Variants in GRK1 observed in about 807,000 individuals in gnomAD.
GRK1 encodes G protein-coupled receptor kinase 1.
GRK1 carries 28 observed loss-of-function variants against 41.7 expected under a neutral mutation model. The ratio of observed to expected loss-of-function variants is 0.67; its 90% confidence interval spans 0.50 to 0.92. GRK1 has a LOEUF of 0.92. Among genes scored for constraint, GRK1 ranks in the 40% least tolerant of loss-of-function variants. GRK1 has a pLI of 0.00. For missense variants in GRK1, 703 were observed against 671.2 expected (o/e 1.05, Z -0.52); for synonymous variants, 327 against 286.7 (o/e 1.14, Z -1.42).
intron 4 of GRK1, among the ~76,000 whole-genome samples, chr13:113,723,413 G>C (rs1338363795): frequency 6.6e-6 from 1 of 152,130 alleles, no homozygotes; most frequent in Non-Finnish European, 1.5e-5. Context: ...GCCTCAGGAG[G>C]TCCTGATGAC....
At chr13:113,650,534 T>G in the GRK1 span, 1 of 1,589,806 alleles carries the variant, frequency 6.3e-7, no homozygotes, top group Non-Finnish European at 8.6e-7. This position sits in a 1 kb window ranked among gnomAD's most constrained non-coding sequence, Gnocchi z 5.0. Context: ...ACTGCCTGAG[T>G]CAGGCGGGAG....
chr13:113,655,396 G>C, the GRK1 span, among the ~76,000 whole-genome samples: 3 of 152,206 alleles, frequency 2.0e-5, no homozygotes, highest in African/African-American at 4.8e-5. Context: ...TGCATGGCCG[G>C]TCCTGCTTCC....
chr13:113,671,736 C>T lies in GRK1; in HGVS notation c.985+80C>T. 4.3e-6 allele frequency: 3 copies of T among 695,122 alleles called. No individual in the cohort carries two copies. The highest frequency in any genetic ancestry group is 7.9e-6 in the Non-Finnish European group (3 of 380,948). The allele number at this position is 695,122 out of a possible 1,614,324, so 43.1% of individuals were successfully genotyped here. A position where few individuals can be genotyped will look rare whatever the true frequency, so the allele number is the denominator to read the frequency against. ...GCTTCCTTGGGGGTCTCTGCACAAC[C>T]TCACGAGGGCTGACGGCTGTGTGGA... is the stretch of plus-strand genomic sequence containing the variant. On this transcript the variant is annotated intron_variant, in intron 3 of 6. Transcript: ENST00000335678. The surrounding 1 kb of genome is among the most constrained non-coding windows in gnomAD (Gnocchi z 4.1).
rs745307850 is a variant in GRK1, at chr13:113,667,717, C to T, written c.331C>T (p.Leu111=). The part of the protein sequence containing the change: ...DLQPQKAQTI[L]AQYLDPQAKL... ...CCAGCCACAGAAGGCCCAGACCATC[C>T]TGGCCCAGTACCTGGACCCCCAGGC... The change falls in exon 1 of 7, where the codon CTG becomes TTG. Residue 111 remains leucine (L), a synonymous_variant. Coordinates refer to ENST00000335678, the MANE Select transcript of GRK1 (RefSeq NM_002929.3). This position sits in a 1 kb window ranked among gnomAD's most constrained non-coding sequence, Gnocchi z 7.5. 2.5e-6 allele frequency: 4 copies of T among 1,613,790 alleles called. No homozygotes were observed. The African/African-American group carries it at 4.0e-5, about 16-fold the overall frequency.
intron 6 of GRK1, among the ~76,000 whole-genome samples, chr13:113,733,647 G>A (rs2049958743): frequency 1.5e-5 from 2 of 136,214 alleles, no homozygotes; most frequent in South Asian, 2.2e-4. Context: ...ATGTATGTGT[G>A]CATACGTGTG....
chr13:113,658,303 G>C, the GRK1 span: 2 of 679,050 alleles, frequency 2.9e-6, no homozygotes, highest in African/African-American at 3.6e-5. Flanking sequence ...TATCAGCGCC[G>C]GCCATCGCCT....
chr13:113,727,616 C>T (rs547680312), intron 4 of GRK1, among the ~76,000 whole-genome samples: 279 of 135,676 alleles, frequency 2.1e-3, no homozygotes, highest in Non-Finnish European at 2.8e-3. Flanking sequence ...GTACCCATGG[C>T]GATGAGGACC....
the GRK1 span, chr13:113,655,068 C>T: frequency 8.4e-6 from 11 of 1,314,050 alleles, no homozygotes; most frequent in East Asian, 2.5e-5. Context: ...ACATTCTCCT[C>T]CCCCAAAACA....
Position 113,733,978 on chromosome 13 carries a change from GCATGTGTGTGCATA to G in GRK1, c.1396+905_1396+918del, listed in dbSNP as rs1255667661. 2.3e-3 allele frequency among the ~76,000 whole-genome samples: 296 copies of G among 127,348 alleles called. 1 individual carries two copies. Among genetic ancestry groups the G allele is most frequent in the Middle Eastern group, 8.6e-3 (2 of 232 alleles). 83.5% of individuals were successfully genotyped at this position (127,348 alleles called of 152,430 possible). A position where few individuals can be genotyped will look rare whatever the true frequency, so the allele number is the denominator to read the frequency against. ...TGCATACGTGTGTGTGCGTGTGTGCGCATGTGTGTGCATACATGTGTGTGCGTGTGCGTGCATGT... is the reference window on the plus strand; with the variant it reads ...TGCATACGTGTGTGTGCGTGTGTGCGCATGTGTGTGCGTGTGCGTGCATGT... On this transcript the variant is annotated intron_variant, in intron 6 of 6. Transcript: ENST00000335678.
At chr13:113,648,559 G>A in the GRK1 span, among the ~76,000 whole-genome samples, 1 of 152,232 alleles carries the variant, frequency 6.6e-6, no homozygotes, top group African/African-American at 2.4e-5. Flanking sequence ...TTGGGAGAAT[G>A]TTCTCATTTC....
At chr13:113,655,593 C>G in the GRK1 span, among the ~76,000 whole-genome samples, 125 of 152,318 alleles carry the variant, frequency 8.2e-4, no homozygotes, top group African/African-American at 2.9e-3. Context: ...TGGCCATGGG[C>G]GGCTCCTGGA....
intron 4 of GRK1, among the ~76,000 whole-genome samples, chr13:113,723,389 G>T (rs375223132): frequency 4.3e-4 from 66 of 152,210 alleles, no homozygotes; most frequent in African/African-American, 1.5e-3. Flanking sequence ...GGTTGAGGAC[G>T]CGAGTCCGTG....
At position 113,737,650 on chromosome 13, in the gene GRK1, ATGTCC is replaced by A. The variant is rs2050014519; in HGVS notation, c.*2292_*2296del. 1 of 154,798 alleles carries A rather than the reference ATGTCC, an allele frequency of 6.5e-6. No individual in the cohort carries two copies. Among genetic ancestry groups the A allele is most frequent in the African/African-American group, 2.4e-5 (1 of 41,512 alleles). The allele number at this position is 154,798 out of a possible 1,614,324, so 9.6% of individuals were successfully genotyped here. Reference sequence around the variant, plus strand: ...CGTCTGGTTTTGTGGAGACTTTCATATGTCCTGTCAAGTTGCCTCATGCACCTGCA... The same window carrying A: ...CGTCTGGTTTTGTGGAGACTTTCATATGTCAAGTTGCCTCATGCACCTGCA... On this transcript the variant is annotated 3_prime_UTR_variant, in exon 7 of 7. Coordinates refer to ENST00000335678, the MANE Select transcript of GRK1 (RefSeq NM_002929.3).
chr13:113,735,382 C>G lies in GRK1; in HGVS notation c.*19C>G. 1 of 1,470,102 alleles carries G rather than the reference C, an allele frequency of 6.8e-7. No individual in the cohort carries two copies. Among genetic ancestry groups the G allele is most frequent in the Non-Finnish European group, 9.0e-7 (1 of 1,112,144 alleles). The allele number at this position is 1,470,102 out of a possible 1,614,324, so 91.1% of individuals were successfully genotyped here. A position where few individuals can be genotyped will look rare whatever the true frequency, so the allele number is the denominator to read the frequency against. ...TTCCTAGGTGACGCCCCAGAGTCCA[C>G]GTGGAGGAAAAGGACCCATACGGCT... On this transcript the variant is annotated 3_prime_UTR_variant, in exon 7 of 7. Transcript: ENST00000335678.
At chr13:113,729,961 C>G (rs2049922712) in intron 4 of GRK1, among the ~76,000 whole-genome samples, 1 of 149,506 alleles carries the variant, frequency 6.7e-6, no homozygotes, top group African/African-American at 2.5e-5. Flanking sequence ...GCGCCCAAAC[C>G]CGCCCCTCCA....
At chr13:113,652,901 T>C in the GRK1 span, 7 of 1,614,086 alleles carry the variant, frequency 4.3e-6, no homozygotes, top group Middle Eastern at 1.6e-4. Context: ...AAAACATGGC[T>C]TTCCTTCTTC....
rs1177906686 is a variant in GRK1, at chr13:113,736,980, C to T, written c.*1617C>T. On this transcript the variant is annotated 3_prime_UTR_variant, in exon 7 of 7. Transcript: ENST00000335678. ...TCCTCCGTAGCCTGGACTGGTGGGT[C>T]TCGGCCTCTCTCCCAGAAATGGCAG... 6.6e-6 allele frequency: 1 copy of T among 152,378 alleles called. No homozygotes were observed. The highest frequency in any genetic ancestry group is 1.5e-5 in the Non-Finnish European group (1 of 68,158). The allele number at this position is 152,378 out of a possible 1,614,324, so 9.4% of individuals were successfully genotyped here.
At chr13:113,730,578 C>T (rs2049929976) in intron 4 of GRK1, among the ~76,000 whole-genome samples, 1 of 150,702 alleles carries the variant, frequency 6.6e-6, no homozygotes, top group Admixed American at 6.6e-5. Flanking sequence ...CTCCCTCCAT[C>T]CTGAGTCCCC....
chr13:113,732,935 C>T lies in GRK1; in HGVS notation c.1246C>T (p.Pro416Ser). ...HRIISEPVKY[P>S]DKFSQASKDF... Reference sequence around the variant, plus strand: ...GATCATCTCAGAGCCCGTGAAGTACCCTGATAAGTTCAGCCAGGCCAGCAA... The same window carrying T: ...GATCATCTCAGAGCCCGTGAAGTACTCTGATAAGTTCAGCCAGGCCAGCAA... The change falls in exon 6 of 7, where the codon CCT becomes TCT. Residue 416 changes from proline to serine, a missense_variant. Physicochemically the swap from Pro to Ser is moderately conservative, Grantham distance 74 (BLOSUM62 -1). Transcript: ENST00000335678. The T allele has an allele frequency of 6.5e-7, 1 of 1,536,862 alleles. No homozygotes were observed. Among genetic ancestry groups the T allele is most frequent in the East Asian group, 2.4e-5 (1 of 40,930 alleles).
Sources: gnomAD v4.1 joint callset for allele counts (sites outside exome capture counted in the v4.1 genomes callset) on GRCh38, gnomAD v4.1.1 for gene constraint, Gnocchi (gnomAD v3.1) non-coding constraint, MANE v1.5 for transcripts, NCBI Gene and HGNC (gene_info 2026-07-23, HGNC 2026-07-21) for gene names.